The following SLC35F4 variants were observed in gnomAD, a reference collection of about 807,000 sequenced individuals.
SLC35F4 encodes the protein chromosome 14 open reading frame 36.
In SLC35F4, 24 loss-of-function variants were observed where a neutral mutation model predicts 44.2. That is an observed-to-expected ratio of 0.54 (90% CI 0.39 to 0.76). The LOEUF is 0.76. SLC35F4 is among the 30% of genes least tolerant of loss of function. The probability of loss-of-function intolerance (pLI) is 0.00; values close to 1 mark genes in which losing one functional copy is unlikely to be tolerated. For missense variants in SLC35F4, 562 were observed against 586.1 expected (o/e 0.96, Z 0.42); for synonymous variants, 238 against 223.6 (o/e 1.06, Z -0.57).
At chr14:57,920,503 C>G (rs1889420240) in intron 1 of SLC35F4, among the ~76,000 whole-genome samples, 1 of 152,106 alleles carries the variant, frequency 6.6e-6, no homozygotes, top group Admixed American at 6.5e-5. Context: ...AGCCCAGGAG[C>G]TCAAGGCTGC....
At chr14:57,704,366 C>T (rs2075616681) in intron 1 of SLC35F4, among the ~76,000 whole-genome samples, 1 of 152,086 alleles carries the variant, frequency 6.6e-6, no homozygotes, top group African/African-American at 2.4e-5. Context: ...TTCAGTTTCT[C>T]CATTTATATA....
chr14:57,706,165 G>C (rs1464074561), intron 1 of SLC35F4, among the ~76,000 whole-genome samples: 3 of 152,184 alleles, frequency 2.0e-5, no homozygotes, highest in Non-Finnish European at 4.4e-5. Context: ...TCGGTTACTA[G>C]TAATAACTAT....
intron 1 of SLC35F4, chr14:57,629,907 C>A (rs1304585866): frequency 2.9e-5 from 13 of 454,910 alleles, no homozygotes; most frequent in Admixed American, 2.7e-4. Flanking sequence ...ACCACCATGT[C>A]CTGCTACCAG....
At chr14:57,781,496 G>T (rs1254868337) in intron 1 of SLC35F4, among the ~76,000 whole-genome samples, 1 of 152,120 alleles carries the variant, frequency 6.6e-6, no homozygotes, top group Non-Finnish European at 1.5e-5. Flanking sequence ...ATTGTAGAAA[G>T]CAGTGTGATG....
chr14:57,758,001 ATGTGTGTGTGTGTG>A (rs34860997), intron 1 of SLC35F4, among the ~76,000 whole-genome samples: 20 of 128,920 alleles, frequency 1.6e-4, no homozygotes, highest in African/African-American at 3.5e-4. Context: ...TTATAGGTTC[ATGTGTGTGTGTGTG>A]TGTGTGTGTG....
In SLC35F4 at chr14:57,612,525, C is replaced by T. The variant is rs78281189; in HGVS notation, c.104-18401G>A. Among the ~76,000 whole-genome samples, 651 of 152,318 alleles carry T rather than the reference C, an allele frequency of 4.3e-3. 8 individuals carry two copies. The highest frequency in any genetic ancestry group is 0.015 in the African/African-American group (634 of 41,570). On this transcript the variant is annotated intron_variant, in intron 1 of 7. Transcript: ENST00000556826. ...GCACACTGCACTTAACCTAACCACACCATATTCTACTGTAATTTCTGGTTT... is the reference window on the plus strand; with the variant it reads ...GCACACTGCACTTAACCTAACCACATCATATTCTACTGTAATTTCTGGTTT...
chr14:57,878,891 A>G (rs1449745617), intron 1 of SLC35F4, among the ~76,000 whole-genome samples: 6 of 152,178 alleles, frequency 3.9e-5, no homozygotes, highest in African/African-American at 1.4e-4. Context: ...CACTCCTTCA[A>G]GGAAGATCTA....
intron 1 of SLC35F4, among the ~76,000 whole-genome samples, chr14:57,841,424 G>T (rs914588568): frequency 3.3e-5 from 5 of 152,228 alleles, no homozygotes; most frequent in Non-Finnish European, 7.3e-5. Context: ...GATTGTGGAA[G>T]TGGGTTAAGT....
intron 1 of SLC35F4, among the ~76,000 whole-genome samples, chr14:57,860,639 C>CA (rs1887604598): frequency 6.6e-6 from 1 of 152,028 alleles, no homozygotes; most frequent in Non-Finnish European, 1.5e-5. Flanking sequence ...TACAAACACA[C>CA]AAAAAAGAAT....
chr14:57,838,347 C>T (rs1264374097), intron 1 of SLC35F4, among the ~76,000 whole-genome samples: 1 of 152,162 alleles, frequency 6.6e-6, no homozygotes, highest in African/African-American at 2.4e-5. Flanking sequence ...ATAGCTTGTT[C>T]CCTAAACATT....
At chr14:57,846,830 A>G (rs978552914) in intron 1 of SLC35F4, among the ~76,000 whole-genome samples, 1 of 152,210 alleles carries the variant, frequency 6.6e-6, no homozygotes, top group East Asian at 1.9e-4. Context: ...TAGTGAGAGT[A>G]CATACCATAG....
chr14:57,896,918 T>A (rs1888885149), intron 1 of SLC35F4, among the ~76,000 whole-genome samples: 1 of 151,202 alleles, frequency 6.6e-6, no homozygotes, highest in South Asian at 2.1e-4. Context: ...ATTGTTTTCA[T>A]TGATTAGGCC....
At chr14:57,884,347 A>T (rs34442851) in intron 1 of SLC35F4, among the ~76,000 whole-genome samples, 1 of 152,212 alleles carries the variant, frequency 6.6e-6, no homozygotes, top group African/African-American at 2.4e-5. Flanking sequence ...ATTTAGTTAT[A>T]CAATAAAAAA....
chr14:57,797,260 G>A (rs1309947820), intron 1 of SLC35F4, among the ~76,000 whole-genome samples: 6 of 152,100 alleles, frequency 3.9e-5, no homozygotes, highest in Admixed American at 6.6e-5. Flanking sequence ...GGCAATTTGC[G>A]GGCAGGATTC....
chr14:57,969,483 G>T (rs1164688250), intron 1 of SLC35F4, among the ~76,000 whole-genome samples: 1 of 152,106 alleles, frequency 6.6e-6, no homozygotes, highest in African/African-American at 2.4e-5. Context: ...ATTTTTAAGT[G>T]TACCTACATT....
At chr14:57,602,749 T>G (rs1201671497) in intron 1 of SLC35F4, among the ~76,000 whole-genome samples, 1 of 152,174 alleles carries the variant, frequency 6.6e-6, no homozygotes, top group Non-Finnish European at 1.5e-5. Flanking sequence ...TGTTCTGGAT[T>G]CATATACTAA....
At chr14:57,664,882 G>C (rs559142757) in intron 1 of SLC35F4, among the ~76,000 whole-genome samples, 125 of 152,138 alleles carry the variant, frequency 8.2e-4, no homozygotes, top group Non-Finnish European at 1.2e-3. Context: ...CACAGTGAAA[G>C]ATAAACCCTT....
Position 57,744,595 on chromosome 14 carries a change from G to GA in SLC35F4, c.103+121127dup, listed in dbSNP as rs1230164013. ...TAAAAGAGGATACAAACAAATGGAA[G>GA]AAAATTCCACGCTCATGGATAGGAA... On this transcript the variant is annotated intron_variant, in intron 1 of 7. Coordinates refer to ENST00000556826, the MANE Select transcript of SLC35F4 (RefSeq NM_001306087.2). Among the ~76,000 whole-genome samples the GA allele has an allele frequency of 7.2e-5, 11 of 152,202 alleles. No individual in the cohort carries two copies. In the East Asian group the frequency reaches 2.1e-3, roughly 29 times the overall value.
At chr14:57,899,674 A>G (rs1215140013) in intron 1 of SLC35F4, among the ~76,000 whole-genome samples, 1 of 152,172 alleles carries the variant, frequency 6.6e-6, no homozygotes, top group Non-Finnish European at 1.5e-5. Flanking sequence ...GCTCAGATAA[A>G]GCTGTTTGCT....
Sources: allele counts gnomAD v4.1 joint callset (sites outside exome capture counted in the v4.1 genomes callset), GRCh38; gene constraint gnomAD v4.1.1; transcripts MANE v1.5; gene names NCBI Gene and HGNC (gene_info 2026-07-23, HGNC 2026-07-21).